The following NRXN3 variants were observed in gnomAD, a reference collection of about 807,000 sequenced individuals.
The protein encoded by NRXN3 is neurexin 3.
A neutral mutation model predicts 137.6 loss-of-function variants in NRXN3; 32 were observed. The ratio of observed to expected loss-of-function variants is 0.23; its 90% CI spans 0.18 to 0.31. The LOEUF is 0.31. Among genes scored for constraint, NRXN3 ranks in the 10% least tolerant of loss-of-function variants. The pLI is 1.00. For missense variants in NRXN3, 1,574 were observed against 2,062.5 expected, an observed-to-expected ratio of 0.76 and a Z score of 4.59; for synonymous variants, 798 against 784.5, an observed-to-expected ratio of 1.02 and a Z score of -0.29.
chr14:79,065,488 G>A (rs913520900), intron 15 of NRXN3, among the ~76,000 whole-genome samples: 1 of 152,136 alleles, frequency 6.6e-6, no homozygotes, highest in African/African-American at 2.4e-5. Context: ...AATTTTCACT[G>A]AGAGGCAGGG....
intron 15 of NRXN3, among the ~76,000 whole-genome samples, chr14:79,429,633 C>T (rs1475857104): frequency 1.3e-5 from 2 of 152,186 alleles, no homozygotes; most frequent in Non-Finnish European, 2.9e-5. Flanking sequence ...CCATTACGAT[C>T]GCCAAATGAT....
intron 15 of NRXN3, among the ~76,000 whole-genome samples, chr14:79,232,938 C>T (rs1235683306): frequency 6.6e-6 from 1 of 151,886 alleles, no homozygotes; most frequent in Non-Finnish European, 1.5e-5. Context: ...TATTATGCAC[C>T]AAAATAAATA....
chr14:79,384,605 A>G (rs150518294), intron 15 of NRXN3, among the ~76,000 whole-genome samples: 158 of 152,258 alleles, frequency 1.0e-3, no homozygotes, highest in Middle Eastern at 3.4e-3. Context: ...TCATTTCTCA[A>G]GGAAGGGGCT....
intron 8 of NRXN3, among the ~76,000 whole-genome samples, chr14:78,733,915 C>T (rs2098528744): frequency 6.6e-6 from 1 of 152,098 alleles, no homozygotes; most frequent in Admixed American, 6.6e-5. Flanking sequence ...GTGGCTGCCT[C>T]CAGGAAGATG....
chr14:78,218,310 C>T (rs1300795545), intron 1 of NRXN3, among the ~76,000 whole-genome samples: 1 of 152,146 alleles, frequency 6.6e-6, no homozygotes, highest in East Asian at 1.9e-4. Flanking sequence ...AAGCCATGCT[C>T]ACGCCACTGT....
intron 15 of NRXN3, among the ~76,000 whole-genome samples, chr14:79,371,675 T>A (rs1255306198): frequency 6.6e-6 from 1 of 152,144 alleles, no homozygotes; most frequent in African/African-American, 2.4e-5. Context: ...GGTGAATTCT[T>A]TGTTGATAAG....
At chr14:78,193,109 G>T (rs953111472) in intron 1 of NRXN3, among the ~76,000 whole-genome samples, 3 of 152,180 alleles carry the variant, frequency 2.0e-5, no homozygotes, top group Non-Finnish European at 4.4e-5. Flanking sequence ...AGAGCTTTAA[G>T]GCCATGAGAA....
Position 79,083,935 on chromosome 14 carries a change from T to C in NRXN3, c.3262+95794T>C, listed in dbSNP as rs565213630. 3.9e-5 allele frequency among the ~76,000 whole-genome samples: 6 copies of C among 152,276 alleles called. No homozygotes were observed. In the South Asian group the frequency reaches 1.2e-3, roughly 32 times the overall value. On this transcript the variant is annotated intron_variant, in intron 15 of 20. Transcript: ENST00000335750. ...TTTGTTTGTTTTTGAGACAGGATCT[T>C]GCTCTGTCATCCAGGCTGGAGTGCA...
At chr14:78,279,595 CA>C in intron 3 of NRXN3, 1 of 152,076 alleles carries the variant, frequency 6.6e-6, no homozygotes, top group Middle Eastern at 3.4e-3. Flanking sequence ...TTTTAATGTA[CA>C]GGAAATTTAG....
intron 16 of NRXN3, among the ~76,000 whole-genome samples, chr14:79,476,851 A>G (rs183907927): frequency 6.6e-6 from 1 of 152,224 alleles, no homozygotes; most frequent in African/African-American, 2.4e-5. Flanking sequence ...CTACTAATAA[A>G]CAGCTGAATG....
At chr14:78,817,612 C>G (rs1460617729) in intron 10 of NRXN3, among the ~76,000 whole-genome samples, 1 of 152,094 alleles carries the variant, frequency 6.6e-6, no homozygotes, top group African/African-American at 2.4e-5. Context: ...CATGCTGCTT[C>G]CACTCATGGA....
chr14:79,229,774 T>A (rs2071784886), intron 15 of NRXN3, among the ~76,000 whole-genome samples: 1 of 152,060 alleles, frequency 6.6e-6, no homozygotes, highest in Admixed American at 6.6e-5. Context: ...GTCTTTTTCC[T>A]CCTTTGCGCT....
intron 4 of NRXN3, among the ~76,000 whole-genome samples, chr14:78,477,901 C>A (rs73316494): frequency 0.051 from 7,737 of 152,152 alleles, 252 homozygotes; most frequent in African/African-American, 0.093. Flanking sequence ...CTGTCTCACA[C>A]ACACACACGC....
At chr14:78,744,183 C>G (rs1281141395) in intron 8 of NRXN3, among the ~76,000 whole-genome samples, 1 of 152,140 alleles carries the variant, frequency 6.6e-6, no homozygotes, top group Non-Finnish European at 1.5e-5. Flanking sequence ...ACTCTGCCAC[C>G]TAGGCTGGAG....
chr14:78,984,610 A>C (rs2099498294), intron 14 of NRXN3, among the ~76,000 whole-genome samples: 1 of 152,206 alleles, frequency 6.6e-6, no homozygotes, highest in Non-Finnish European at 1.5e-5. Context: ...ATGAAGTATT[A>C]AGGCAGTGGT....
At chr14:79,230,850 C>T (rs1038442854) in intron 15 of NRXN3, among the ~76,000 whole-genome samples, 4 of 152,080 alleles carry the variant, frequency 2.6e-5, no homozygotes, top group African/African-American at 9.7e-5. Context: ...CTATTCAATA[C>T]TTCTGAGTCT....
At chr14:78,482,583 G>A (rs2095491203) in intron 4 of NRXN3, among the ~76,000 whole-genome samples, 1 of 152,162 alleles carries the variant, frequency 6.6e-6, no homozygotes, top group Non-Finnish European at 1.5e-5. Flanking sequence ...ACTGATTCAA[G>A]ACTATCATAT....
chr14:78,880,943 G>A (rs772449472), intron 10 of NRXN3, among the ~76,000 whole-genome samples: 1 of 152,102 alleles, frequency 6.6e-6, no homozygotes, highest in African/African-American at 2.4e-5. Flanking sequence ...TGTATCATGG[G>A]AGGGACCCAG....
At chr14:78,771,336 C>T (rs952740874) in intron 8 of NRXN3, among the ~76,000 whole-genome samples, 1 of 152,162 alleles carries the variant, frequency 6.6e-6, no homozygotes, top group Non-Finnish European at 1.5e-5. Context: ...CCCCAGTGGG[C>T]ACAATCTCAT....
Sources: allele counts gnomAD v4.1 joint callset (sites outside exome capture counted in the v4.1 genomes callset), GRCh38; gene constraint gnomAD v4.1.1; transcripts MANE v1.5; gene names NCBI Gene and HGNC (gene_info 2026-07-23, HGNC 2026-07-21).